GATA4: variants seen among roughly 807,000 people sequenced by gnomAD.
GATA4 encodes transcription factor GATA-4.
GATA4 carries 7 observed loss-of-function variants against 37.9 expected under a neutral mutation model. That is an observed-to-expected ratio of 0.18 (90% CI 0.11 to 0.35). GATA4 has a LOEUF of 0.35. Among genes scored for constraint, GATA4 ranks in the 10% least tolerant of loss-of-function variants. The pLI, the probability that GATA4 is intolerant of heterozygous loss-of-function variation, is 1.00. For synonymous variants in GATA4, 372 were observed against 292.6 expected (o/e 1.27, Z -2.77); for missense variants, 647 against 653.0 (o/e 0.99, Z 0.10).
upstream of GATA4, among the ~76,000 whole-genome samples, chr8:11,703,898 C>A (rs1031215936): frequency 6.6e-6 from 1 of 152,140 alleles, no homozygotes; most frequent in African/African-American, 2.4e-5. Context: ...GAAGGGGGGG[C>A]GGGGAGGGAG....
chr8:11,717,461 G>A (rs746077412), intron 2 of GATA4, among the ~76,000 whole-genome samples: 1 of 152,164 alleles, frequency 6.6e-6, no homozygotes, highest in African/African-American at 2.4e-5. Context: ...TTGCTGGAAA[G>A]AAAGCTGATA....
chr8:11,716,898 G>A lies in GATA4; in HGVS notation c.616+7970G>A, dbSNP rs1198037242. ...GCTGCTTGTGTCTGCATAAGAAAGAGGAAGTATGCTAGTTTTCCTTTCCTT... is the reference window on the plus strand; with the variant it reads ...GCTGCTTGTGTCTGCATAAGAAAGAAGAAGTATGCTAGTTTTCCTTTCCTT... On this transcript the variant is annotated intron_variant, in intron 2 of 6. Transcript: ENST00000532059. 2.6e-5 allele frequency among the ~76,000 whole-genome samples: 4 copies of A among 152,254 alleles called. No homozygotes were observed. The South Asian group carries it at 8.3e-4, about 31-fold the overall frequency.
chr8:11,735,108 G>A (rs1396568449), intron 2 of GATA4, among the ~76,000 whole-genome samples: 1 of 152,212 alleles, frequency 6.6e-6, no homozygotes, highest in Non-Finnish European at 1.5e-5. Flanking sequence ...TATCTGCAAT[G>A]TTGTATTTCT....
intron 2 of GATA4, among the ~76,000 whole-genome samples, chr8:11,717,033 C>T (rs955161372): frequency 3.9e-5 from 6 of 152,208 alleles, no homozygotes; most frequent in African/African-American, 1.4e-4. Context: ...TTGTCCTAGC[C>T]TGCCTGCAGA....
chr8:11,681,421 G>A, intron 1 of GATA4: 1 of 985,156 alleles, frequency 1.0e-6, no homozygotes, highest in Non-Finnish European at 1.2e-6. Flanking sequence ...CTCAACTCGG[G>A]GGCCGTAGCT....
chr8:11,732,122 A>T (rs1407085734), intron 2 of GATA4, among the ~76,000 whole-genome samples: 1 of 152,262 alleles, frequency 6.6e-6, no homozygotes, highest in African/African-American at 2.4e-5. Flanking sequence ...TTTAAGTCAC[A>T]TTCATAAAAT....
chr8:11,711,565 G>T (rs916102231), intron 2 of GATA4, among the ~76,000 whole-genome samples: 2 of 152,034 alleles, frequency 1.3e-5, no homozygotes, highest in Non-Finnish European at 2.9e-5. Context: ...ATCATTTGAG[G>T]CCAGGAGTTC....
intron 2 of GATA4, among the ~76,000 whole-genome samples, chr8:11,716,135 G>T (rs571401949): frequency 6.6e-6 from 1 of 152,270 alleles, no homozygotes; most frequent in Non-Finnish European, 1.5e-5. Flanking sequence ...CACCTGAGTT[G>T]CTTCTCCGTC....
chr8:11,711,654 C>G (rs545024679), intron 2 of GATA4, among the ~76,000 whole-genome samples: 1 of 147,856 alleles, frequency 6.8e-6, no homozygotes, highest in South Asian at 2.2e-4. Flanking sequence ...GGGTGGCATG[C>G]CTGTAGTCCC....
At chr8:11,703,666 G>A (rs956401626), upstream of GATA4, among the ~76,000 whole-genome samples, 10 of 152,322 alleles carry the variant, frequency 6.6e-5, no homozygotes, top group Admixed American at 3.9e-4. Context: ...GGGAGGCTTC[G>A]GTCTCTACGC....
chr8:11,742,184 G>A (rs1413256433), intron 2 of GATA4, among the ~76,000 whole-genome samples: 1 of 152,172 alleles, frequency 6.6e-6, no homozygotes, highest in African/African-American at 2.4e-5. Flanking sequence ...CAGGGTGTCA[G>A]GGGCTTGAGT....
At chr8:11,727,809 A>G (rs1331346312) in intron 2 of GATA4, among the ~76,000 whole-genome samples, 1 of 152,016 alleles carries the variant, frequency 6.6e-6, no homozygotes, top group East Asian at 1.9e-4. Flanking sequence ...CCTGGGTGAC[A>G]GAGTGAGACT....
Position 11,749,732 on chromosome 8 carries a change from C to T in GATA4, c.787-379C>T, listed in dbSNP as rs1428072497. Among the ~76,000 whole-genome samples the T allele has an allele frequency of 1.3e-5, 2 of 152,202 alleles. No homozygotes were observed. Among genetic ancestry groups the T allele is most frequent in the Admixed American group, 6.5e-5 (1 of 15,284 alleles). On this transcript the variant is annotated intron_variant, in intron 3 of 6. Transcript: ENST00000532059. The surrounding 1 kb of genome is among the most constrained non-coding windows in gnomAD (Gnocchi z 4.6). ...TCAGACTTTGATACCATTTGGACAC[C>T]GTGATTCCTCACTCTCTGCCTGCCC...
At chr8:11,740,945 G>T (rs1301217539) in intron 2 of GATA4, among the ~76,000 whole-genome samples, 1 of 151,982 alleles carries the variant, frequency 6.6e-6, no homozygotes, top group Non-Finnish European at 1.5e-5. Context: ...TGTTGGCCAG[G>T]CTGGCCTTGA....
intron 2 of GATA4, among the ~76,000 whole-genome samples, chr8:11,722,600 GT>G (rs1800726595): frequency 1.3e-5 from 2 of 152,096 alleles, no homozygotes; most frequent in African/African-American, 4.8e-5. Context: ...CTTGCATTCT[GT>G]TTGCTAAAGA....
intron 2 of GATA4, among the ~76,000 whole-genome samples, chr8:11,742,652 G>T (rs934627132): frequency 1.3e-5 from 2 of 152,252 alleles, no homozygotes; most frequent in African/African-American, 4.8e-5. Flanking sequence ...CGCCGCTGGA[G>T]CTGTGTGGGC....
At position 11,692,632 on chromosome 8, in the gene GATA4, C is replaced by G; in HGVS notation, c.-757C>G. On this transcript the variant is annotated 5_prime_UTR_variant, in exon 1 of 3. Transcript: ENST00000526974. Reference sequence around the variant, plus strand: ...GAACCGGCTTCTGGGGACCCGCGGCCTCTGCGCCTCAGCCGACCTCCACCG... The same window carrying G: ...GAACCGGCTTCTGGGGACCCGCGGCGTCTGCGCCTCAGCCGACCTCCACCG... 8.1e-6 allele frequency: 8 copies of G among 985,332 alleles called. No individual in the cohort carries two copies. The South Asian group carries it at 1.9e-4, about 23-fold the overall frequency. The allele number at this position is 985,332 out of a possible 1,614,324, so 61.0% of individuals were successfully genotyped here.
At chr8:11,702,046 T>G (rs1799693931), upstream of GATA4, among the ~76,000 whole-genome samples, 1 of 152,086 alleles carries the variant, frequency 6.6e-6, no homozygotes. This position sits in a 1 kb window ranked among gnomAD's most constrained non-coding sequence, Gnocchi z 4.4. Context: ...GCCCCACCAG[T>G]GTACAGAGCA....
At chr8:11,729,703 A>G (rs192673082) in intron 2 of GATA4, among the ~76,000 whole-genome samples, 7 of 152,334 alleles carry the variant, frequency 4.6e-5, no homozygotes, top group Admixed American at 3.9e-4. Context: ...AGCTTGAATT[A>G]TCATGATGCA....
Sources: gnomAD v4.1 joint callset for allele counts (sites outside exome capture counted in the v4.1 genomes callset) on GRCh38, gnomAD v4.1.1 for gene constraint, Gnocchi (gnomAD v3.1) non-coding constraint, MANE v1.5 for transcripts, NCBI Gene and HGNC (gene_info 2026-07-23, HGNC 2026-07-21) for gene names.